ERAP1: variants seen among roughly 807,000 people sequenced by gnomAD.
ERAP1 encodes adipocyte-derived leucine aminopeptidase.
ERAP1 carries 86 observed loss-of-function variants against 103.7 expected under a neutral mutation model. The observed-to-expected ratio is 0.83, with a 90% CI of 0.70 to 0.99. ERAP1 has a LOEUF of 0.99. Among genes scored for constraint, ERAP1 ranks in the 50% least tolerant of loss-of-function variants. The pLI is 0.00. For missense variants in ERAP1, 1,009 were observed against 1,128.4 expected (o/e 0.89, Z 1.52); for synonymous variants, 398 against 402.4 (o/e 0.99, Z 0.13).
the ERAP1 span, chr5:96,896,864 G>T: frequency 1.0e-6 from 1 of 974,270 alleles, no homozygotes; most frequent in South Asian, 2.4e-5. Flanking sequence ...TCTGTCAAAT[G>T]TAAGTCATAT....
At chr5:96,891,502 TA>T in the ERAP1 span, among the ~76,000 whole-genome samples, 1 of 26,310 alleles carries the variant, frequency 3.8e-5, no homozygotes. Flanking sequence ...TGTGTGTGTA[TA>T]TATATATATA....
At chr5:96,917,392 A>T in the ERAP1 span, 2 of 1,287,772 alleles carry the variant, frequency 1.6e-6, no homozygotes, top group East Asian at 3.1e-5. Flanking sequence ...AAGTGCTGGG[A>T]TTACAGGTGT....
chr5:96,826,924 T>C, the ERAP1 span, among the ~76,000 whole-genome samples: 1 of 152,236 alleles, frequency 6.6e-6, no homozygotes, highest in Non-Finnish European at 1.5e-5. Context: ...AAATGTGTAT[T>C]AGATATATTT....
the ERAP1 span, among the ~76,000 whole-genome samples, chr5:96,916,278 TCTTAAAATA>T: frequency 2.0e-5 from 3 of 151,568 alleles, no homozygotes; most frequent in South Asian, 4.2e-4. Context: ...AGCCCCTGAC[TCTTAAAATA>T]CTTAAAATAC....
At chr5:96,795,848 G>A (rs920275896) in intron 4 of ERAP1, among the ~76,000 whole-genome samples, 3 of 152,120 alleles carry the variant, frequency 2.0e-5, no homozygotes, top group African/African-American at 4.8e-5. Flanking sequence ...CCATAAGCAA[G>A]AGCCAGCAGA....
At chr5:96,849,254 T>C in the ERAP1 span, among the ~76,000 whole-genome samples, 2 of 152,152 alleles carry the variant, frequency 1.3e-5, no homozygotes, top group African/African-American at 4.8e-5. Flanking sequence ...AACATAGTAC[T>C]GGAAGTCCTA....
chr5:96,826,665 A>C, the ERAP1 span, among the ~76,000 whole-genome samples: 13 of 152,186 alleles, frequency 8.5e-5, no homozygotes, highest in Non-Finnish European at 1.6e-4. Flanking sequence ...GTCAGCCAGC[A>C]CACGACTTCC....
rs868611930 is a variant in ERAP1 at position 96,787,818 on chromosome 5, A to G, written c.1679+713T>C. The stretch of plus-strand genomic sequence containing the variant: ...TATATGTGTGTGTATATATATACAC[A>G]TATATATGTATATATACACACACAC... On this transcript the variant is annotated intron_variant, in intron 11 of 18. Coordinates refer to ENST00000443439, the MANE Select transcript of ERAP1 (RefSeq NM_001040458.3). 7.5e-3 allele frequency among the ~76,000 whole-genome samples: 156 copies of G among 20,686 alleles called. 1 individual carries two copies. The Middle Eastern group carries it at 0.087, about 12-fold the overall frequency. The allele number at this position is 20,686 out of a possible 152,430, so 13.6% of individuals were successfully genotyped here.
the ERAP1 span, chr5:96,903,487 C>G: frequency 6.2e-7 from 1 of 1,614,036 alleles, no homozygotes; most frequent in Non-Finnish European, 8.5e-7. Flanking sequence ...CATTACACAG[C>G]TGAATCAGAA....
the ERAP1 span, among the ~76,000 whole-genome samples, chr5:96,851,994 G>A: frequency 6.6e-6 from 1 of 152,170 alleles, no homozygotes; most frequent in East Asian, 1.9e-4. Context: ...GAGCAGCAAA[G>A]AAACTTAGAG....
chr5:96,810,268 G>A (rs1170007084), upstream of ERAP1, among the ~76,000 whole-genome samples: 1 of 152,206 alleles, frequency 6.6e-6, no homozygotes, highest in Non-Finnish European at 1.5e-5. Context: ...ACTTTAAGGA[G>A]TCCTAGTTCT....
chr5:96,789,220 C>G (rs375068410), intron 10 of ERAP1, among the ~76,000 whole-genome samples: 1 of 152,232 alleles, frequency 6.6e-6, no homozygotes, highest in South Asian at 2.1e-4. Flanking sequence ...GGCGCGGTGG[C>G]TCATGCCTGT....
chr5:96,769,115 T>A (rs1343839995), intron 19 of ERAP1: 2 of 152,200 alleles, frequency 1.3e-5, no homozygotes, highest in African/African-American at 4.8e-5. Flanking sequence ...AATGAGTACC[T>A]CCTTGTTATT....
chr5:96,907,762 A>T, the ERAP1 span, among the ~76,000 whole-genome samples: 3 of 152,066 alleles, frequency 2.0e-5, no homozygotes, highest in Non-Finnish European at 4.4e-5. Context: ...ACATGGCTAT[A>T]ATCCCAGCTA....
At chr5:96,874,445 C>A in the ERAP1 span, among the ~76,000 whole-genome samples, 1 of 152,200 alleles carries the variant, frequency 6.6e-6, no homozygotes, top group African/African-American at 2.4e-5. Context: ...ATACTCCCAG[C>A]CTCCTATACC....
chr5:96,782,392 T>C (rs1775342818), intron 15 of ERAP1, among the ~76,000 whole-genome samples: 1 of 152,226 alleles, frequency 6.6e-6, no homozygotes, highest in Admixed American at 6.5e-5. Flanking sequence ...TGAAATGCCA[T>C]TTTTATAAAT....
At chr5:96,930,307 T>G in the ERAP1 span, among the ~76,000 whole-genome samples, 1 of 152,238 alleles carries the variant, frequency 6.6e-6, no homozygotes, top group Non-Finnish European at 1.5e-5. Context: ...CACCTTTTGA[T>G]GTCAGAGGAC....
the ERAP1 span, among the ~76,000 whole-genome samples, chr5:96,869,174 G>C: frequency 6.6e-6 from 1 of 151,732 alleles, no homozygotes; most frequent in Admixed American, 6.6e-5. Flanking sequence ...GGGTTACACA[G>C]AGTTGCTTTG....
At chr5:96,879,789 G>T in the ERAP1 span, 3 of 1,614,070 alleles carry the variant, frequency 1.9e-6, no homozygotes, top group African/African-American at 4.0e-5. Flanking sequence ...ATATGCATTT[G>T]TTCTCAGTTC....
Sources: gnomAD v4.1 joint callset for allele counts (sites outside exome capture counted in the v4.1 genomes callset) on GRCh38, gnomAD v4.1.1 for gene constraint, MANE v1.5 for transcripts, NCBI Gene and HGNC (gene_info 2026-07-23, HGNC 2026-07-21) for gene names.